The following GNB4 variants were observed in gnomAD, a reference collection of about 807,000 sequenced individuals.
GNB4 encodes the protein G protein subunit beta 4.
GNB4 carries 28 observed loss-of-function variants against 45.2 expected under a neutral mutation model. The ratio of observed to expected loss-of-function variants is 0.62; its 90% CI spans 0.46 to 0.85. The LOEUF (loss-of-function observed/expected upper bound fraction) is 0.85, where lower values mean the gene tolerates loss of function less well. GNB4 is among the 40% of genes least tolerant of loss of function. GNB4 has a pLI of 0.00. For synonymous variants in GNB4, 132 were observed against 143.7 expected (o/e 0.92, Z 0.58); for missense variants, 321 against 425.4 (o/e 0.75, Z 2.16).
intron 2 of GNB4, 40 bp downstream of exon 2, chr3:179,426,104 A>G (rs748627756): frequency 1.3e-6 from 2 of 1,516,498 alleles, no homozygotes; most frequent in Admixed American, 3.7e-5. Flanking sequence ...GATTCCTGGT[A>G]CTAAATAAGT....
the GNB4 span, chr3:179,464,387 G>A: frequency 1.8e-6 from 2 of 1,130,816 alleles, no homozygotes; most frequent in Non-Finnish European, 2.7e-6. Flanking sequence ...CTGCCTGGCT[G>A]CTGCAGCCCG....
chr3:179,442,267 G>C (rs1001178961), intron 1 of GNB4, among the ~76,000 whole-genome samples: 1 of 152,108 alleles, frequency 6.6e-6, no homozygotes, highest in African/African-American at 2.4e-5. Context: ...TACACAATAC[G>C]TTTTGAAACT....
At chr3:179,413,299 A>G (rs1472102776) in intron 8 of GNB4, 113 bp downstream of exon 8, 4 of 778,302 alleles carry the variant, frequency 5.1e-6, no homozygotes, top group Non-Finnish European at 8.6e-6. Context: ...TCAAAGTTAT[A>G]AGAGCACATT....
Position 179,429,299 on chromosome 3 carries a change from A to G in GNB4, c.-42-3057T>C, listed in dbSNP as rs191997034. ...GAAATCCAGTGCACGTGCAGCATCC[A>G]TCTGGGCCTACCTGTGTCACCCTGT... On this transcript the variant is annotated intron_variant, in intron 1 of 9. Transcript: ENST00000232564. Among the ~76,000 whole-genome samples, 8 of 152,338 alleles carry G rather than the reference A, an allele frequency of 5.3e-5. 2 individuals carry two copies. The highest frequency in any genetic ancestry group is 2.1e-4 in the South Asian group (1 of 4,824).
At chr3:179,431,469 G>C (rs1715306653) in intron 1 of GNB4, among the ~76,000 whole-genome samples, 1 of 150,522 alleles carries the variant, frequency 6.6e-6, no homozygotes, top group Admixed American at 6.7e-5. Flanking sequence ...TGAGGCAGGA[G>C]AATCGCTTGA....
At chr3:179,407,999 C>T (rs781663284) in intron 8 of GNB4, among the ~76,000 whole-genome samples, 2 of 152,140 alleles carry the variant, frequency 1.3e-5, no homozygotes, top group Non-Finnish European at 2.9e-5. Flanking sequence ...AACTTACATG[C>T]AAACCCTATA....
At chr3:179,456,109 T>C (rs977252180), upstream of GNB4, among the ~76,000 whole-genome samples, 1 of 74,542 alleles carries the variant, frequency 1.3e-5, no homozygotes, top group African/African-American at 9.4e-5. Flanking sequence ...GACATAGACT[T>C]TTTTTTTTTT....
At chr3:179,464,255 T>C in the GNB4 span, 99 of 457,610 alleles carry the variant, frequency 2.2e-4, no homozygotes, top group Non-Finnish European at 3.5e-4. Flanking sequence ...GGCCAGGGAA[T>C]CAAGAGCTGC....
intron 9 of GNB4, among the ~76,000 whole-genome samples, chr3:179,403,547 C>T (rs1283196631): frequency 6.6e-6 from 1 of 152,058 alleles, no homozygotes; most frequent in African/African-American, 2.4e-5. Flanking sequence ...AATCCCAGCA[C>T]TTTGGGAGGC....
chr3:179,472,575 G>A, the GNB4 span, among the ~76,000 whole-genome samples: 1 of 151,862 alleles, frequency 6.6e-6, no homozygotes, highest in Non-Finnish European at 1.5e-5. Flanking sequence ...TTTTGCTAAG[G>A]CTGGTCTCAA....
intron 9 of GNB4, among the ~76,000 whole-genome samples, chr3:179,403,682 A>C (rs1714374261): frequency 6.6e-6 from 1 of 151,766 alleles, no homozygotes; most frequent in Admixed American, 6.6e-5. Flanking sequence ...AATCCCAGCT[A>C]GTCTACTCGG....
the GNB4 span, among the ~76,000 whole-genome samples, chr3:179,460,148 C>T: frequency 6.6e-6 from 1 of 152,068 alleles, no homozygotes; most frequent in East Asian, 1.9e-4. Flanking sequence ...GCATTGTGGC[C>T]TTATTGCTTG....
In GNB4 at chr3:179,438,071, C is replaced by CAA. The variant is rs112229065; in HGVS notation, c.-42-11831_-42-11830dup. ...TGGGCGACAGAGTGAGACCTCATCTCAAAAAAAAAGAAAAAGAAAAGGCAG... is the reference window on the plus strand; with the variant it reads ...TGGGCGACAGAGTGAGACCTCATCTCAAAAAAAAAAAGAAAAAGAAAAGGCAG... On this transcript the variant is annotated intron_variant, in intron 1 of 9. Transcript: ENST00000232564. 3.6e-3 allele frequency among the ~76,000 whole-genome samples: 545 copies of CAA among 149,814 alleles called. 1 individual carries two copies. Among genetic ancestry groups the CAA allele is most frequent in the Non-Finnish European group, 5.3e-3 (356 of 67,506 alleles).
At chr3:179,505,474 A>AG in the GNB4 span, among the ~76,000 whole-genome samples, 1 of 152,228 alleles carries the variant, frequency 6.6e-6, no homozygotes, top group Non-Finnish European at 1.5e-5. Flanking sequence ...AAAGACAGTG[A>AG]GAAAAATATG....
At chr3:179,473,185 CA>C in the GNB4 span, among the ~76,000 whole-genome samples, 1 of 151,962 alleles carries the variant, frequency 6.6e-6, no homozygotes, top group Admixed American at 6.6e-5. Context: ...AAGAAAATGA[CA>C]AAAGTCTGAC....
the GNB4 span, among the ~76,000 whole-genome samples, chr3:179,514,437 G>C: frequency 6.6e-6 from 1 of 152,192 alleles, no homozygotes; most frequent in Admixed American, 6.5e-5. Flanking sequence ...TTCTCTGAGG[G>C]CAATGAGAAG....
At chr3:179,428,548 T>G (rs1715213830) in intron 1 of GNB4, among the ~76,000 whole-genome samples, 1 of 152,204 alleles carries the variant, frequency 6.6e-6, no homozygotes, top group African/African-American at 2.4e-5. Context: ...CTCTTTATTT[T>G]TAGGGTCCCA....
the GNB4 span, among the ~76,000 whole-genome samples, chr3:179,498,762 T>G: frequency 6.9e-6 from 1 of 145,914 alleles, no homozygotes; most frequent in Admixed American, 6.7e-5. Context: ...TTTTTTTTTT[T>G]TTTTTGCCTC....
the GNB4 span, among the ~76,000 whole-genome samples, chr3:179,468,941 G>A: frequency 6.6e-6 from 1 of 152,130 alleles, no homozygotes. Context: ...CTACCTGGGG[G>A]CTTCGTCTGC....
Sources: gnomAD v4.1 joint callset for allele counts (sites outside exome capture counted in the v4.1 genomes callset) on GRCh38, gnomAD v4.1.1 for gene constraint, MANE v1.5 for transcripts, NCBI Gene and HGNC (gene_info 2026-07-23, HGNC 2026-07-21) for gene names.